The following MLLT6 variants were observed in gnomAD, a reference collection of about 807,000 sequenced individuals.
The protein encoded by MLLT6 is protein AF-17.
In MLLT6, 22 loss-of-function variants were observed where a neutral mutation model predicts 103.0. The observed-to-expected ratio is 0.21, with a 90% CI of 0.15 to 0.31. The LOEUF (loss-of-function observed/expected upper bound fraction) is 0.31, where lower values mean the gene tolerates loss of function less well. MLLT6 is among the 10% of genes least tolerant of loss of function. The pLI is 1.00. For missense variants in MLLT6, 1,199 were observed against 1,441.7 expected (o/e 0.83, Z 2.73); for synonymous variants, 606 against 623.5 (o/e 0.97, Z 0.42).
chr17:38,712,798 G>A lies in MLLT6; in HGVS notation c.819+9G>A, dbSNP rs1877699087. 1 of 1,604,796 alleles carries A rather than the reference G, an allele frequency of 6.2e-7. No individual in the cohort carries two copies. Among genetic ancestry groups the A allele is most frequent in the African/African-American group, 1.3e-5 (1 of 74,750 alleles). On this transcript the variant is annotated intron_variant, in intron 8 of 19. Coordinates refer to ENST00000621332, the MANE Select transcript of MLLT6 (RefSeq NM_005937.4). ...TCCCCACTGCTGACAAGGTACTGCT[G>A]CCCACCTTCAGGAGGGATGGTGTGT...
At chr17:38,705,852 C>T (rs980132091) in intron 1 of MLLT6, 111 bp downstream of exon 1, 7 of 332,856 alleles carry the variant, frequency 2.1e-5, no homozygotes, top group African/African-American at 1.5e-4. Context: ...CTCCCCCACC[C>T]CACCTGAAGG....
At position 38,716,814 on chromosome 17, in the gene MLLT6, C is replaced by G. The variant is rs1397057097; in HGVS notation, c.1484C>G (p.Ala495Gly). 6.2e-7 allele frequency: 1 copy of G among 1,612,142 alleles called. No individual in the cohort carries two copies. Among genetic ancestry groups the G allele is most frequent in the East Asian group, 2.2e-5 (1 of 44,808 alleles). The stretch of plus-strand genomic sequence containing the variant: ...AAGGAGGGCACTGGGGGCCCAGCTG[C>G]CCCATCCTTGCCCAGTGCCCAGCTG... Reference protein sequence around the residue: ...RNKEGTGGPAAPSLPSAQLAG... With the variant: ...RNKEGTGGPAGPSLPSAQLAG... Residue 495 changes from alanine to glycine, a missense_variant, in exon 10 of 20, where the codon GCC becomes GGC. Transcript: ENST00000621332. The surrounding 1 kb of genome is among the most constrained non-coding windows in gnomAD (Gnocchi z 5.6).
chr17:38,719,614 T>C (rs1240710232), intron 13 of MLLT6, 31 bp downstream of exon 13: 5 of 1,586,666 alleles, frequency 3.2e-6, no homozygotes, highest in Non-Finnish European at 4.3e-6. Flanking sequence ...GAGGAGGGGC[T>C]GGGGGCAGGA....
Position 38,725,805 on chromosome 17 carries a change from G to T in MLLT6, c.*207G>T, listed in dbSNP as rs948350437. 474 of 523,330 alleles carry T rather than the reference G, an allele frequency of 9.1e-4. No homozygotes were observed. Among genetic ancestry groups the T allele is most frequent in the Non-Finnish European group, 9.6e-5 (29 of 301,858 alleles). The allele number at this position is 523,330 out of a possible 1,614,324, so 32.4% of individuals were successfully genotyped here. On this transcript the variant is annotated 3_prime_UTR_variant, in exon 20 of 20. Coordinates refer to ENST00000621332, the MANE Select transcript of MLLT6 (RefSeq NM_005937.4). Reference sequence around the variant, plus strand: ...CTCCATCTGGCCCCCTTCCCTTTCCGCACTGTCCGCTTTGTGAGGCTCAGA... The same window carrying T: ...CTCCATCTGGCCCCCTTCCCTTTCCTCACTGTCCGCTTTGTGAGGCTCAGA...
rs1190722892 is a variant in MLLT6 at position 38,724,006 on chromosome 17, G to A, written c.2884-614G>A. 6.6e-6 allele frequency among the ~76,000 whole-genome samples: 1 copy of A among 152,128 alleles called. No individual in the cohort carries two copies. Among genetic ancestry groups the A allele is most frequent in the Non-Finnish European group, 1.5e-5 (1 of 68,036 alleles). On this transcript the variant is annotated intron_variant, in intron 18 of 19. Transcript: ENST00000621332. This position sits in a 1 kb window ranked among gnomAD's most constrained non-coding sequence, Gnocchi z 5.4. Reference sequence around the variant, plus strand: ...GATCCACCGGCCTCAGCCTCCCAAAGTGCTGGGATTATAGGCGTGAGCCAC... The same window carrying A: ...GATCCACCGGCCTCAGCCTCCCAAAATGCTGGGATTATAGGCGTGAGCCAC...
At chr17:38,722,324 A>G in intron 17 of MLLT6, 97 bp downstream of exon 17, 2 of 952,380 alleles carry the variant, frequency 2.1e-6, no homozygotes, top group Middle Eastern at 3.5e-4. Flanking sequence ...CCCTAAAAGG[A>G]AAAATGGCCT....
At chr17:38,715,387 G>A in intron 8 of MLLT6, 2 of 577,718 alleles carry the variant, frequency 3.5e-6, no homozygotes, top group Non-Finnish European at 5.6e-6. Context: ...ACCTTCTTGG[G>A]TTCAGTGAAT....
rs201935068 is a variant in MLLT6 at position 38,725,624 on chromosome 17, C to A, written c.*26C>A. 6.4e-6 allele frequency: 10 copies of A among 1,565,712 alleles called. No homozygotes were observed. Among genetic ancestry groups the A allele is most frequent in the Admixed American group, 1.9e-5 (1 of 51,308 alleles). ...ATCCACCCTTACCCCTCCTGACCCCCCCAAGTGGAGGGAACAGATCCTGGC... is the reference window on the plus strand; with the variant it reads ...ATCCACCCTTACCCCTCCTGACCCCACCAAGTGGAGGGAACAGATCCTGGC... On this transcript the variant is annotated 3_prime_UTR_variant, in exon 20 of 20. Coordinates refer to ENST00000621332, the MANE Select transcript of MLLT6 (RefSeq NM_005937.4).
At chr17:38,706,411 G>A (rs1847409962) in intron 1 of MLLT6, 1 of 152,262 alleles carries the variant, frequency 6.6e-6, no homozygotes. Flanking sequence ...TGAATGCTGT[G>A]GCCCGGGGCT....
chr17:38,707,056 TC>T (rs748366428), intron 2 of MLLT6, 27 bp downstream of exon 2: 1 of 1,581,162 alleles, frequency 6.3e-7, no homozygotes, highest in Non-Finnish European at 8.7e-7. Flanking sequence ...CCCTCTCCAC[TC>T]CCCTGCCCCT....
rs1905972202 is a variant in MLLT6, at chr17:38,725,415, C to G, written c.3241-142C>G. 5.5e-6 allele frequency: 4 copies of G among 731,322 alleles called. No homozygotes were observed. In the South Asian group the frequency reaches 7.3e-5, roughly 13 times the overall value. 45.3% of individuals were successfully genotyped at this position (731,322 alleles called of 1,614,324 possible). A position where few individuals can be genotyped will look rare whatever the true frequency, so the allele number is the denominator to read the frequency against. ...CCCTGCGCATCGGCCCTGGTGCACA[C>G]CCCTCAGAGCCCAGGCCAGAGGCTT... On this transcript the variant is annotated intron_variant, in intron 19 of 19. Transcript: ENST00000621332.
chr17:38,728,020 C>T lies in MLLT6; in HGVS notation c.*2422C>T, dbSNP rs912084851. ...CCCACCCAGAACACTTCTTCCCTCCCTCAGCCCAAACCAAAGGCTGGGGTT... is the reference window on the plus strand; with the variant it reads ...CCCACCCAGAACACTTCTTCCCTCCTTCAGCCCAAACCAAAGGCTGGGGTT... On this transcript the variant is annotated 3_prime_UTR_variant, in exon 20 of 20. Transcript: ENST00000621332. The T allele has an allele frequency of 7.7e-5, 18 of 233,174 alleles. No individual in the cohort carries two copies. The highest frequency in any genetic ancestry group is 4.0e-4 in the African/African-American group (18 of 45,356). The allele number at this position is 233,174 out of a possible 1,614,324, so 14.4% of individuals were successfully genotyped here. A position where few individuals can be genotyped will look rare whatever the true frequency, so the allele number is the denominator to read the frequency against.
rs1200543733 is a variant in MLLT6, at chr17:38,715,799, C to A, written c.1007C>A (p.Ser336Tyr). 6.2e-7 allele frequency: 1 copy of A among 1,605,174 alleles called. No homozygotes were observed. Residue 336 changes from serine to tyrosine, a missense_variant, in exon 9 of 20, where the codon TCC (serine) becomes TAC (tyrosine). Physicochemically the swap from Ser to Tyr is moderately radical, Grantham distance 144. Coordinates refer to ENST00000621332, the MANE Select transcript of MLLT6 (RefSeq NM_005937.4). ...TCCTCTTCTTCCTCCTCCTCTTCCT[C>A]CTCCTCTGGGGGGCCCTTCCAGCCT... The part of the protein sequence containing the change: ...SASSSSSSSS[S>Y]SSGGPFQPAV...
rs1342067910 is a variant in MLLT6, at chr17:38,715,826, C to T, written c.1034C>T (p.Ala345Val). 6.3e-7 allele frequency: 1 copy of T among 1,588,292 alleles called. No homozygotes were observed. Among genetic ancestry groups the T allele is most frequent in the South Asian group, 1.1e-5 (1 of 87,898 alleles). Residue 345 changes from alanine (A) to valine (V), a missense_variant and splice_region_variant, in exon 9 of 20, where the codon GCA becomes GTA. This residue lies in a region of MLLT6 where 1,034 missense variants were observed against 1,091.5 expected (regional missense o/e 0.95). Coordinates refer to ENST00000621332, the MANE Select transcript of MLLT6 (RefSeq NM_005937.4). ...SSSSGGPFQP[A>V]VSSLQSSPDF... ...TCCTCTGGGGGGCCCTTCCAGCCTG[C>T]AGGTGAGTGTGGGCATCCGGGAGGA... is the stretch of plus-strand genomic sequence containing the variant.
At position 38,715,637 on chromosome 17, in the gene MLLT6, C is replaced by T. The variant is rs1030349144; in HGVS notation, c.845C>T (p.Ser282Phe). The T allele has an allele frequency of 4.3e-6, 7 of 1,613,570 alleles. No individual in the cohort carries two copies. In the Admixed American group the frequency reaches 5.0e-5, roughly 12 times the overall value. ...GTCTCCTCCTCGGCTTCCTCTTCCT[C>T]CCACCACGAGGCCAGCACGCAGGAG... is the stretch of plus-strand genomic sequence containing the variant. The part of the protein sequence containing the change: ...DKVSSSASSS[S>F]HHEASTQETS... The change falls in exon 9 of 20, where the codon TCC becomes TTC. Residue 282 changes from serine (S) to phenylalanine (F), a missense_variant. Physicochemically the swap from Ser to Phe is radical, Grantham distance 155. Coordinates refer to ENST00000621332, the MANE Select transcript of MLLT6 (RefSeq NM_005937.4).
At chr17:38,719,482 C>T in intron 12 of MLLT6, 35 bp from the exon 13 acceptor site, 2 of 1,569,592 alleles carry the variant, frequency 1.3e-6, no homozygotes, top group Non-Finnish European at 1.7e-6. Flanking sequence ...AGCTACCACT[C>T]CTCCACGCTG....
At chr17:38,708,160 T>C in intron 4 of MLLT6, 1 of 458,410 alleles carries the variant, frequency 2.2e-6, no homozygotes, top group Non-Finnish European at 4.0e-6. Context: ...GCCTACTATG[T>C]GCCAGACCTG....
chr17:38,721,128 G>A (rs754448286), intron 16 of MLLT6: 9 of 292,898 alleles, frequency 3.1e-5, no homozygotes, highest in Non-Finnish European at 4.5e-5. Context: ...ATTTGTGAAG[G>A]GTTTATTATA....
chr17:38,717,228 C>T (rs929766971), intron 10 of MLLT6, among the ~76,000 whole-genome samples: 8 of 152,104 alleles, frequency 5.3e-5, no homozygotes, highest in African/African-American at 1.9e-4. Flanking sequence ...CTGTAGCCCT[C>T]GGCAGGGCAG....
Sources: allele counts gnomAD v4.1 joint callset (sites outside exome capture counted in the v4.1 genomes callset), GRCh38; gene constraint gnomAD v4.1.1; regional missense constraint gnomAD v4.1.1; non-coding constraint Gnocchi (gnomAD v3.1); transcripts MANE v1.5; gene names NCBI Gene and HGNC (gene_info 2026-07-23, HGNC 2026-07-21).